Variants in HECW1 observed in about 807,000 individuals in gnomAD.
HECW1 encodes the protein E3 ubiquitin-protein ligase HECW1.
Under a neutral mutation model 182.3 loss-of-function variants are expected in HECW1, and 61 were observed. The ratio of observed to expected loss-of-function variants is 0.33; its 90% CI spans 0.27 to 0.41. HECW1 has a LOEUF of 0.41. HECW1 is among the 10% of genes least tolerant of loss of function. HECW1 has a pLI of 1.00. For missense variants in HECW1, 1,739 were observed against 2,108.9 expected, an observed-to-expected ratio of 0.82 and a Z score of 3.44; for synonymous variants, 859 against 832.6, an observed-to-expected ratio of 1.03 and a Z score of -0.55.
intron 6 of HECW1, among the ~76,000 whole-genome samples, chr7:43,376,571 A>G (rs190870526): frequency 4.8e-4 from 73 of 152,292 alleles, no homozygotes; most frequent in Non-Finnish European, 9.3e-4. Flanking sequence ...AAGGATAAAA[A>G]ATTTCAAATA....
rs753996525 is a variant in HECW1, at chr7:43,554,648, A to C, written c.4567A>C (p.Asn1523His). 2 of 1,613,932 alleles carry C rather than the reference A, an allele frequency of 1.2e-6. No homozygotes were observed. The highest frequency in any genetic ancestry group is 1.7e-6 in the Non-Finnish European group (2 of 1,179,918). The part of the protein sequence containing the change: ...RWFWAAVERF[N>H]NEQRLRLLQF... ...GTTCTGGGCTGCGGTGGAGCGCTTC[A>C]ATAATGAGCAGAGGCTGAGATTACT... The change falls in exon 29 of 30, where the codon AAT (asparagine) becomes CAT (histidine). Residue 1523 changes from asparagine to histidine, a missense_variant. Physicochemically the swap from Asn to His is moderately conservative, Grantham distance 68. Coordinates refer to ENST00000395891, the MANE Select transcript of HECW1 (RefSeq NM_015052.5).
At chr7:43,298,392 C>A (rs957260236) in intron 3 of HECW1, among the ~76,000 whole-genome samples, 1 of 152,130 alleles carries the variant, frequency 6.6e-6, no homozygotes, top group Non-Finnish European at 1.5e-5. Context: ...TAAATGAAGC[C>A]CTGCTGGGAA....
chr7:43,535,999 G>T (rs1178586682), intron 24 of HECW1, among the ~76,000 whole-genome samples: 4 of 152,184 alleles, frequency 2.6e-5, no homozygotes, highest in African/African-American at 4.8e-5. Flanking sequence ...GTCCAGGAAT[G>T]TTCCCACAAA....
intron 3 of HECW1, among the ~76,000 whole-genome samples, chr7:43,277,985 C>T (rs1289715731): frequency 6.6e-6 from 1 of 152,140 alleles, no homozygotes; most frequent in Non-Finnish European, 1.5e-5. Flanking sequence ...TAACTGTGGG[C>T]TGCCCCTGGG....
At chr7:43,172,123 C>CAA (rs537618606) in intron 2 of HECW1, among the ~76,000 whole-genome samples, 71 of 75,140 alleles carry the variant, frequency 9.4e-4, no homozygotes, top group Non-Finnish European at 1.5e-3. Context: ...ACTAAAAATA[C>CAA]AAAAAAAAAA....
At chr7:43,382,400 C>T (rs2074594260) in intron 6 of HECW1, among the ~76,000 whole-genome samples, 1 of 152,166 alleles carries the variant, frequency 6.6e-6, no homozygotes, top group African/African-American at 2.4e-5. Context: ...CATGGGGTAA[C>T]TACCCAGTAA....
At chr7:43,286,949 C>T (rs1804713012) in intron 3 of HECW1, among the ~76,000 whole-genome samples, 1 of 152,142 alleles carries the variant, frequency 6.6e-6, no homozygotes, top group African/African-American at 2.4e-5. Flanking sequence ...GACATTCTCT[C>T]ATTCATCCAC....
At chr7:43,264,571 C>A (rs546604020) in intron 3 of HECW1, among the ~76,000 whole-genome samples, 2 of 152,062 alleles carry the variant, frequency 1.3e-5, no homozygotes, top group Non-Finnish European at 2.9e-5. Context: ...GTCAGCCAGG[C>A]GCGGTGGCTC....
Position 43,565,654 on chromosome 7 carries a change from G to T in HECW1, c.*3728G>T, listed in dbSNP as rs2082311903. On this transcript the variant is annotated 3_prime_UTR_variant, in exon 30 of 30. Transcript: ENST00000395891. ...CCGCAATACTATATCATAAAAATCT[G>T]GGATGGATGTTCCAGCCATCATAAG... The T allele has an allele frequency of 5.6e-6, 1 of 178,980 alleles. No homozygotes were observed. The highest frequency in any genetic ancestry group is 1.2e-5 in the Non-Finnish European group (1 of 83,956). The allele number at this position is 178,980 out of a possible 1,614,324, so 11.1% of individuals were successfully genotyped here. A position where few individuals can be genotyped will look rare whatever the true frequency, so the allele number is the denominator to read the frequency against.
chr7:43,360,508 A>G (rs1417813403), intron 5 of HECW1, among the ~76,000 whole-genome samples: 1 of 152,222 alleles, frequency 6.6e-6, no homozygotes, highest in Non-Finnish European at 1.5e-5. Context: ...GCAAATTACC[A>G]AGATATTAAT....
intron 17 of HECW1, among the ~76,000 whole-genome samples, chr7:43,487,483 G>A (rs2078689919): frequency 6.6e-6 from 1 of 152,192 alleles, no homozygotes; most frequent in Non-Finnish European, 1.5e-5. Context: ...CATGTCTGGG[G>A]AAAGGCAGGC....
At chr7:43,531,297 C>T (rs928531432) in intron 24 of HECW1, among the ~76,000 whole-genome samples, 3 of 152,188 alleles carry the variant, frequency 2.0e-5, no homozygotes, top group South Asian at 2.1e-4. Context: ...GCTTCCTCCC[C>T]GGAGTTTTCA....
chr7:43,439,913 A>G (rs1157148684), intron 9 of HECW1: 1 of 152,298 alleles, frequency 6.6e-6, no homozygotes, highest in Non-Finnish European at 1.5e-5. Context: ...ACACCTCTCC[A>G]AGAGGCAACA....
chr7:43,319,601 C>T (rs959482826), intron 4 of HECW1, among the ~76,000 whole-genome samples: 15 of 47,452 alleles, frequency 3.2e-4, no homozygotes, highest in South Asian at 1.5e-3. Context: ...CTTTTCTTTT[C>T]TTTTTTTTTT....
intron 2 of HECW1, among the ~76,000 whole-genome samples, chr7:43,119,982 A>G (rs367774344): frequency 1.3e-5 from 2 of 152,186 alleles, no homozygotes; most frequent in African/African-American, 4.8e-5. Context: ...CTTCTCATTC[A>G]TTCATTCATT....
chr7:43,229,996 C>T (rs1402989452), intron 2 of HECW1, among the ~76,000 whole-genome samples: 1 of 152,228 alleles, frequency 6.6e-6, no homozygotes, highest in Non-Finnish European at 1.5e-5. Context: ...ATCGTGGCTT[C>T]TGTGGCTCCT....
intron 2 of HECW1, among the ~76,000 whole-genome samples, chr7:43,220,540 A>G (rs1319544949): frequency 6.6e-6 from 1 of 152,200 alleles, no homozygotes; most frequent in Admixed American, 6.5e-5. Flanking sequence ...TCATAAGCTA[A>G]CTAGCAGCCC....
chr7:43,138,584 AC>A (rs1308061592), intron 2 of HECW1, among the ~76,000 whole-genome samples: 1 of 152,148 alleles, frequency 6.6e-6, no homozygotes, highest in Non-Finnish European at 1.5e-5. Context: ...CAGTCTATTT[AC>A]CACCCCTATA....
chr7:43,230,395 AAAAT>A (rs904367029), intron 2 of HECW1, among the ~76,000 whole-genome samples: 36 of 152,192 alleles, frequency 2.4e-4, no homozygotes, highest in African/African-American at 1.9e-4. Flanking sequence ...CTCTGTCTCA[AAAAT>A]AAATAAATAA....
Sources: gnomAD v4.1 joint callset for allele counts (sites outside exome capture counted in the v4.1 genomes callset) on GRCh38, gnomAD v4.1.1 for gene constraint, MANE v1.5 for transcripts, NCBI Gene and HGNC (gene_info 2026-07-23, HGNC 2026-07-21) for gene names.